KLRF1: variants seen among roughly 807,000 people sequenced by gnomAD.
KLRF1 encodes the protein killer cell lectin like receptor F1.
A neutral mutation model predicts 30.7 loss-of-function variants in KLRF1; 27 were observed. The observed-to-expected ratio is 0.88, with a 90% CI of 0.65 to 1.21. KLRF1 has a LOEUF of 1.21. Among genes scored for constraint, KLRF1 ranks in the 50% most tolerant of loss-of-function variants. KLRF1 has a pLI of 0.00. For synonymous variants in KLRF1, 92 were observed against 89.3 expected (o/e 1.03, Z -0.17); for missense variants, 246 against 259.3 (o/e 0.95, Z 0.35).
intron 5 of KLRF1, among the ~76,000 whole-genome samples, chr12:9,843,739 A>G (rs139455560): frequency 0.017 from 2,613 of 152,242 alleles, 36 homozygotes; most frequent in Middle Eastern, 0.044. Flanking sequence ...CTAAACTCGG[A>G]CAAAGTGTAT....
intron 3 of KLRF1, among the ~76,000 whole-genome samples, chr12:9,835,226 T>C (rs902004319): frequency 1.3e-5 from 2 of 152,060 alleles, no homozygotes; most frequent in Admixed American, 1.3e-4. Context: ...GGTAGACACA[T>C]GGAGGTAGAG....
In KLRF1 at chr12:9,844,486, A is replaced by C; in HGVS notation, c.656A>C (p.Glu219Ala). Residue 219 changes from glutamate (E) to alanine (A), a missense_variant, in exon 6 of 6, where the codon GAA becomes GCA. By Grantham distance (107) the Glu-to-Ala change is moderately radical. Transcript: ENST00000617889. ...ATTAAGGAAAGCAAAATTTTCTCTG[A>C]AACCTGCAGCAGTGTTTTCAAATGG... The part of the protein sequence containing the change: ...AAIKESKIFS[E>A]TCSSVFKWIC... 2 of 1,609,922 alleles carry C rather than the reference A, an allele frequency of 1.2e-6. No homozygotes were observed. The highest frequency in any genetic ancestry group is 1.7e-5 in the Admixed American group (1 of 59,888).
At chr12:9,806,085 T>G in the KLRF1 span, among the ~76,000 whole-genome samples, 21 of 152,100 alleles carry the variant, frequency 1.4e-4, no homozygotes, top group Non-Finnish European at 2.8e-4. Flanking sequence ...TCGTTGTACA[T>G]TTTACTTTAA....
chr12:9,837,589 A>G (rs1244085050), intron 3 of KLRF1, among the ~76,000 whole-genome samples: 1 of 152,102 alleles, frequency 6.6e-6, no homozygotes, highest in Non-Finnish European at 1.5e-5. Flanking sequence ...GTCCTTATTC[A>G]TGAAACAGCT....
At chr12:9,801,307 T>A in the KLRF1 span, among the ~76,000 whole-genome samples, 1 of 152,104 alleles carries the variant, frequency 6.6e-6, no homozygotes, top group South Asian at 2.1e-4. Context: ...GCAATAGACA[T>A]ATGTCTGCAT....
chr12:9,800,178 G>C, the KLRF1 span, among the ~76,000 whole-genome samples: 2 of 152,080 alleles, frequency 1.3e-5, no homozygotes, highest in Non-Finnish European at 2.9e-5. Context: ...TGTTTTCCAA[G>C]TGGCTGTGCC....
the KLRF1 span, among the ~76,000 whole-genome samples, chr12:9,803,976 CT>C: frequency 6.6e-6 from 1 of 151,738 alleles, no homozygotes; most frequent in African/African-American, 2.4e-5. Context: ...CTGGAAATAA[CT>C]TGCTGGGATT....
At chr12:9,813,418 C>T in the KLRF1 span, among the ~76,000 whole-genome samples, 5 of 152,086 alleles carry the variant, frequency 3.3e-5, no homozygotes, top group African/African-American at 1.2e-4. Flanking sequence ...GATCCTCCCA[C>T]CTCAGCCTCC....
the KLRF1 span, among the ~76,000 whole-genome samples, chr12:9,819,302 T>C: frequency 1.3e-5 from 2 of 152,278 alleles, no homozygotes; most frequent in South Asian, 2.1e-4. Flanking sequence ...GAGCAGGGAT[T>C]GTCCGCAGGC....
chr12:9,834,893 G>A (rs143244417), intron 3 of KLRF1, among the ~76,000 whole-genome samples: 131 of 152,102 alleles, frequency 8.6e-4, no homozygotes, highest in African/African-American at 2.9e-3. Flanking sequence ...TCAAGGCCTC[G>A]GTGGTTTTGG....
At chr12:9,827,390 A>G, upstream of KLRF1, 1 of 410,616 alleles carries the variant, frequency 2.4e-6, no homozygotes, top group East Asian at 3.7e-5. Flanking sequence ...AGGTTTTCAC[A>G]AATAAGTGAA....
the KLRF1 span, among the ~76,000 whole-genome samples, chr12:9,820,142 C>T: frequency 2.0e-5 from 3 of 151,920 alleles, no homozygotes; most frequent in Non-Finnish European, 4.4e-5. Flanking sequence ...CAGCCACCCT[C>T]ACCAGTGTGT....
At chr12:9,801,860 C>T in the KLRF1 span, among the ~76,000 whole-genome samples, 2 of 151,976 alleles carry the variant, frequency 1.3e-5, no homozygotes, top group East Asian at 3.9e-4. Flanking sequence ...TAATTAGATC[C>T]CATTTGTCAA....
At chr12:9,836,423 C>T (rs1424988804) in intron 3 of KLRF1, among the ~76,000 whole-genome samples, 4 of 152,034 alleles carry the variant, frequency 2.6e-5, no homozygotes, top group East Asian at 3.9e-4. Context: ...ATCCCCAAAC[C>T]GCCAGTCTTA....
intron 5 of KLRF1, among the ~76,000 whole-genome samples, chr12:9,843,654 C>T (rs754627191): frequency 5.3e-5 from 8 of 152,192 alleles, no homozygotes; most frequent in Non-Finnish European, 7.4e-5. Flanking sequence ...CATCACTACC[C>T]GTTAGGGTTG....
upstream of KLRF1, among the ~76,000 whole-genome samples, chr12:9,824,590 A>G (rs1328532731): frequency 6.6e-6 from 1 of 152,212 alleles, no homozygotes; most frequent in Non-Finnish European, 1.5e-5. Flanking sequence ...TTCCTATTCA[A>G]CATAGTATTG....
intron 3 of KLRF1, among the ~76,000 whole-genome samples, chr12:9,836,045 G>A (rs1325745745): frequency 1.3e-5 from 2 of 151,960 alleles, no homozygotes; most frequent in African/African-American, 2.4e-5. Flanking sequence ...CTGTGTAGGC[G>A]CTGGAAGAAA....
the KLRF1 span, among the ~76,000 whole-genome samples, chr12:9,801,001 C>T: frequency 6.6e-6 from 1 of 151,976 alleles, no homozygotes; most frequent in Non-Finnish European, 1.5e-5. Context: ...CTCCCCTTCC[C>T]CCCATCCCCT....
At chr12:9,836,489 C>G (rs1867581534) in intron 3 of KLRF1, among the ~76,000 whole-genome samples, 1 of 151,992 alleles carries the variant, frequency 6.6e-6, no homozygotes, top group Admixed American at 6.6e-5. Context: ...TCCAATACTT[C>G]CACCCTGATG....
Sources: gnomAD v4.1 joint callset for allele counts (sites outside exome capture counted in the v4.1 genomes callset) on GRCh38, gnomAD v4.1.1 for gene constraint, MANE v1.5 for transcripts, NCBI Gene and HGNC (gene_info 2026-07-23, HGNC 2026-07-21) for gene names.